Variants in GABRB1 observed in about 807,000 individuals in gnomAD.
GABRB1 encodes gamma-aminobutyric acid receptor subunit beta-1.
GABRB1 carries 17 observed loss-of-function variants against 51.6 expected under a neutral mutation model. That is an observed-to-expected ratio of 0.33 (90% CI 0.23 to 0.49). The LOEUF is 0.49. Among genes scored for constraint, GABRB1 ranks in the 20% least tolerant of loss-of-function variants. The probability of loss-of-function intolerance (pLI) is 0.99; values close to 1 mark genes in which losing one functional copy is unlikely to be tolerated. For missense variants in GABRB1, 410 were observed against 600.6 expected, an observed-to-expected ratio of 0.68 and a Z score of 3.32; for synonymous variants, 247 against 218.9, an observed-to-expected ratio of 1.13 and a Z score of -1.14.
intron 3 of GABRB1, among the ~76,000 whole-genome samples, chr4:47,116,231 T>C (rs1468406464): frequency 1.3e-5 from 2 of 152,238 alleles, no homozygotes; most frequent in Admixed American, 6.5e-5. Flanking sequence ...TGTGTTTTTT[T>C]TTCCTAGGAA....
chr4:47,376,573 G>A (rs1223310527), intron 5 of GABRB1, among the ~76,000 whole-genome samples: 1 of 152,216 alleles, frequency 6.6e-6, no homozygotes, highest in Admixed American at 6.5e-5. Flanking sequence ...CGTGAACCCG[G>A]GAGGCGGAGC....
At chr4:47,175,239 AT>A (rs1348128174) in intron 4 of GABRB1, among the ~76,000 whole-genome samples, 1 of 142,632 alleles carries the variant, frequency 7.0e-6, no homozygotes, top group Non-Finnish European at 1.5e-5. Flanking sequence ...CTTCTTTCTA[AT>A]AGAAATGAGG....
chr4:47,409,059 T>G (rs1728672781), intron 8 of GABRB1, among the ~76,000 whole-genome samples: 1 of 152,186 alleles, frequency 6.6e-6, no homozygotes, highest in Non-Finnish European at 1.5e-5. Flanking sequence ...TCTGTTGGGC[T>G]GCCATGCACT....
chr4:47,249,839 C>A (rs1482769718), intron 4 of GABRB1, among the ~76,000 whole-genome samples: 1 of 152,054 alleles, frequency 6.6e-6, no homozygotes, highest in Non-Finnish European at 1.5e-5. Flanking sequence ...AGGTGAGTCT[C>A]CTGAAGGCAG....
At chr4:47,224,115 C>T (rs897641283) in intron 4 of GABRB1, among the ~76,000 whole-genome samples, 1 of 151,894 alleles carries the variant, frequency 6.6e-6, no homozygotes, top group Non-Finnish European at 1.5e-5. Context: ...GCTCTGTGCT[C>T]CCAGAAAATA....
intron 4 of GABRB1, among the ~76,000 whole-genome samples, chr4:47,295,310 G>A (rs538781660): frequency 9.2e-5 from 14 of 152,252 alleles, no homozygotes; most frequent in African/African-American, 2.9e-4. Flanking sequence ...AAACTACTCC[G>A]AGCTACAGGA....
At chr4:47,227,826 C>T (rs1025770177) in intron 4 of GABRB1, among the ~76,000 whole-genome samples, 45 of 152,268 alleles carry the variant, frequency 3.0e-4, no homozygotes, top group Non-Finnish European at 5.9e-4. Flanking sequence ...AGGACACTCT[C>T]TTTGCCTTGC....
At chr4:47,228,533 A>G (rs988054296) in intron 4 of GABRB1, among the ~76,000 whole-genome samples, 2 of 152,188 alleles carry the variant, frequency 1.3e-5, no homozygotes, top group African/African-American at 4.8e-5. Context: ...ATTCTAGATT[A>G]ATAGATACTT....
At chr4:47,150,950 G>A (rs1008773878) in intron 3 of GABRB1, among the ~76,000 whole-genome samples, 68 of 151,902 alleles carry the variant, frequency 4.5e-4, no homozygotes, top group African/African-American at 1.5e-3. Flanking sequence ...GTGGTATACA[G>A]AAGACAGAGA....
chr4:47,253,872 A>G (rs1234189664), intron 4 of GABRB1, among the ~76,000 whole-genome samples: 1 of 152,180 alleles, frequency 6.6e-6, no homozygotes, highest in Non-Finnish European at 1.5e-5. Flanking sequence ...TTGCTTTAGT[A>G]AAATAGTTAA....
chr4:47,048,604 G>A (rs1183378374), intron 3 of GABRB1, among the ~76,000 whole-genome samples: 3 of 152,206 alleles, frequency 2.0e-5, no homozygotes, highest in Non-Finnish European at 2.9e-5. Flanking sequence ...TAGAAATAGT[G>A]GTTAAAATGT....
At chr4:47,333,769 A>T (rs986801193) in intron 5 of GABRB1, among the ~76,000 whole-genome samples, 5 of 152,134 alleles carry the variant, frequency 3.3e-5, no homozygotes, top group African/African-American at 9.7e-5. Context: ...AGCACAGTCT[A>T]TTTCTTTCAA....
chr4:47,233,942 G>A (rs944780906), intron 4 of GABRB1, among the ~76,000 whole-genome samples: 3 of 152,058 alleles, frequency 2.0e-5, no homozygotes, highest in Non-Finnish European at 4.4e-5. Flanking sequence ...CTTCTATCTT[G>A]TTTTTCCCTG....
chr4:47,332,725 G>GT (rs543480016), intron 5 of GABRB1, among the ~76,000 whole-genome samples: 230 of 150,510 alleles, frequency 1.5e-3, no homozygotes, highest in Middle Eastern at 3.4e-3. Flanking sequence ...GCCATGCATT[G>GT]TTTTTTTTTC....
intron 4 of GABRB1, among the ~76,000 whole-genome samples, chr4:47,223,384 T>C (rs1422056915): frequency 6.6e-6 from 1 of 152,004 alleles, no homozygotes; most frequent in African/African-American, 2.4e-5. Context: ...AAATAGAACC[T>C]AGGTAGGTAA....
chr4:47,219,649 T>C (rs1720693732), intron 4 of GABRB1, among the ~76,000 whole-genome samples: 1 of 151,900 alleles, frequency 6.6e-6, no homozygotes, highest in South Asian at 2.1e-4. Context: ...ATTCATGTTG[T>C]AAACTTCCCA....
intron 5 of GABRB1, among the ~76,000 whole-genome samples, chr4:47,387,243 C>A (rs926024024): frequency 2.0e-5 from 3 of 152,152 alleles, no homozygotes; most frequent in Admixed American, 2.0e-4. Context: ...GGGTGGATCA[C>A]CTGAGGTCAG....
Position 47,036,804 on chromosome 4 carries a change from G to A in GABRB1, c.240+4320G>A, listed in dbSNP as rs529497907. ...TTGAACCCAGGAGGCTGGAGGTTGC[G>A]GTGAGCCAAGATCGTGCCACTGTGC... On this transcript the variant is annotated intron_variant, in intron 3 of 8. Transcript: ENST00000295454. Among the ~76,000 whole-genome samples, 4 of 151,846 alleles carry A rather than the reference G, an allele frequency of 2.6e-5. No homozygotes were observed. In the South Asian group the frequency reaches 8.3e-4, roughly 32 times the overall value.
At chr4:47,185,233 C>A in intron 4 of GABRB1, among the ~76,000 whole-genome samples, 1 of 151,786 alleles carries the variant, frequency 6.6e-6, no homozygotes, top group African/African-American at 2.4e-5. Flanking sequence ...TAACTGAAAT[C>A]CTTCAATGTT....
Sources: allele counts gnomAD v4.1 joint callset (sites outside exome capture counted in the v4.1 genomes callset), GRCh38; gene constraint gnomAD v4.1.1; transcripts MANE v1.5; gene names NCBI Gene and HGNC (gene_info 2026-07-23, HGNC 2026-07-21).